Variants in NAALADL2 observed in about 807,000 individuals in gnomAD.
NAALADL2 encodes N-acetylated alpha-linked acidic dipeptidase like 2.
NAALADL2 carries 76 observed loss-of-function variants against 87.2 expected under a neutral mutation model. That is an observed-to-expected ratio of 0.87 (90% CI 0.72 to 1.05). The LOEUF (loss-of-function observed/expected upper bound fraction) is 1.05. Among genes scored for constraint, NAALADL2 ranks in the 50% least tolerant of loss-of-function variants. NAALADL2 has a pLI of 0.00. For missense variants in NAALADL2, 1,089 were observed against 945.8 expected (o/e 1.15, Z -1.99); for synonymous variants, 354 against 331.0 (o/e 1.07, Z -0.75).
chr3:174,519,885 A>T (rs1258474686), intron 1 of NAALADL2, among the ~76,000 whole-genome samples: 1 of 152,290 alleles, frequency 6.6e-6, no homozygotes, highest in South Asian at 2.1e-4. Context: ...AGCCAACATC[A>T]TACTGAATGG....
intron 2 of NAALADL2, among the ~76,000 whole-genome samples, chr3:174,733,807 T>C (rs980348943): frequency 3.9e-5 from 6 of 152,180 alleles, no homozygotes; most frequent in Non-Finnish European, 5.9e-5. Context: ...GGAAGAAATG[T>C]CACAATGTGT....
intron 13 of NAALADL2, among the ~76,000 whole-genome samples, 157 bp from the exon 14 acceptor site, chr3:175,802,848 T>A (rs575836244): frequency 1.4e-4 from 22 of 151,798 alleles, no homozygotes; most frequent in African/African-American, 4.8e-4. Context: ...TGTCTAAATT[T>A]GTTAATTCAT....
intron 2 of NAALADL2, among the ~76,000 whole-genome samples, chr3:174,697,523 C>T (rs1729144328): frequency 6.6e-6 from 1 of 151,994 alleles, no homozygotes; most frequent in Non-Finnish European, 1.5e-5. Context: ...GGCTTAATGA[C>T]AGCAAGATAC....
intron 2 of NAALADL2, among the ~76,000 whole-genome samples, chr3:174,664,860 G>C (rs1725821807): frequency 6.6e-6 from 1 of 152,164 alleles, no homozygotes; most frequent in South Asian, 2.1e-4. Flanking sequence ...CAGGCTTCCT[G>C]AAGTTGCTTG....
At chr3:175,304,796 C>A (rs1002759799) in intron 4 of NAALADL2, among the ~76,000 whole-genome samples, 2 of 152,174 alleles carry the variant, frequency 1.3e-5, no homozygotes, top group Non-Finnish European at 2.9e-5. Flanking sequence ...CTATAATGTG[C>A]AAATACTTTT....
chr3:175,271,744 G>A (rs1371913337), intron 4 of NAALADL2, among the ~76,000 whole-genome samples: 4 of 152,174 alleles, frequency 2.6e-5, no homozygotes, highest in South Asian at 2.1e-4. Flanking sequence ...GCAGTGAGCC[G>A]AGGTCGTGCC....
At chr3:174,623,279 A>G (rs1721220375) in intron 2 of NAALADL2, among the ~76,000 whole-genome samples, 1 of 152,236 alleles carries the variant, frequency 6.6e-6, no homozygotes, top group Non-Finnish European at 1.5e-5. Context: ...GGAAGGGGCT[A>G]CAAAATTATT....
intron 2 of NAALADL2, among the ~76,000 whole-genome samples, chr3:175,109,292 C>G (rs1021206916): frequency 2.6e-5 from 4 of 151,722 alleles, no homozygotes; most frequent in African/African-American, 9.7e-5. Flanking sequence ...GATAGCCTAT[C>G]ATCGCAAGAT....
At chr3:175,678,118 T>TAA (rs1483677957) in intron 11 of NAALADL2, among the ~76,000 whole-genome samples, 1 of 152,220 alleles carries the variant, frequency 6.6e-6, no homozygotes, top group African/African-American at 2.4e-5. Context: ...TGTCAGAGGT[T>TAA]AAGTTTTCTT....
chr3:175,234,261 CT>C (rs1256279940), intron 3 of NAALADL2, 57 bp downstream of exon 3: 9 of 1,538,152 alleles, frequency 5.9e-6, no homozygotes, highest in Non-Finnish European at 7.1e-6. Flanking sequence ...AAAATAACAG[CT>C]TTCATCTAAA....
intron 1 of NAALADL2, among the ~76,000 whole-genome samples, chr3:174,545,700 T>A (rs958859721): frequency 1.7e-4 from 26 of 152,170 alleles, no homozygotes; most frequent in Admixed American, 3.3e-4. Context: ...TTCTTTCCTG[T>A]GATTTCTGTC....
At chr3:175,243,726 T>G (rs1747429608) in intron 3 of NAALADL2, among the ~76,000 whole-genome samples, 1 of 151,736 alleles carries the variant, frequency 6.6e-6, no homozygotes, top group Non-Finnish European at 1.5e-5. Flanking sequence ...CCACTTCAGG[T>G]CCCCTACCTC....
intron 1 of NAALADL2, among the ~76,000 whole-genome samples, chr3:174,999,314 G>GA (rs11399380): frequency 0.038 from 5,807 of 152,138 alleles, 366 homozygotes; most frequent in African/African-American, 0.13. Context: ...CTAATAGGGG[G>GA]AAAATTGTAT....
chr3:174,769,679 T>C (rs2109102350), intron 3 of NAALADL2, among the ~76,000 whole-genome samples: 1 of 106,288 alleles, frequency 9.4e-6, no homozygotes, highest in South Asian at 2.6e-4. Context: ...TGGAAATTTC[T>C]ATATTCTGTT....
chr3:174,451,107 G>A (rs1488397406), intron 1 of NAALADL2, among the ~76,000 whole-genome samples: 1 of 152,040 alleles, frequency 6.6e-6, no homozygotes, highest in Non-Finnish European at 1.5e-5. Flanking sequence ...GTACAGAAAG[G>A]GTTGTCTGGT....
intron 1 of NAALADL2, among the ~76,000 whole-genome samples, chr3:175,057,480 A>G (rs139511570): frequency 6.6e-6 from 1 of 152,212 alleles, no homozygotes; most frequent in Non-Finnish European, 1.5e-5. Flanking sequence ...ACAGTGATGT[A>G]GGAGACTTTT....
chr3:174,990,911 C>T (rs902054246), intron 1 of NAALADL2, among the ~76,000 whole-genome samples: 14 of 152,176 alleles, frequency 9.2e-5, no homozygotes, highest in African/African-American at 3.4e-4. Flanking sequence ...TCCCCTAGAG[C>T]TTTGTTAGCT....
chr3:175,154,411 G>A (rs1731999163), intron 2 of NAALADL2, among the ~76,000 whole-genome samples: 2 of 152,082 alleles, frequency 1.3e-5, no homozygotes, highest in African/African-American at 2.4e-5. Context: ...TTAAAGAACA[G>A]ATTATCTGTC....
At chr3:174,778,633 C>A (rs556070825) in intron 3 of NAALADL2, among the ~76,000 whole-genome samples, 1 of 152,124 alleles carries the variant, frequency 6.6e-6, no homozygotes, top group Admixed American at 6.5e-5. Flanking sequence ...CTCCTAGACC[C>A]CCACCCTGCA....
Sources: allele counts gnomAD v4.1 joint callset (sites outside exome capture counted in the v4.1 genomes callset), GRCh38; gene constraint gnomAD v4.1.1; transcripts MANE v1.5; gene names NCBI Gene and HGNC (gene_info 2026-07-23, HGNC 2026-07-21).